The following DIPK1A variants were observed in gnomAD, a reference collection of about 807,000 sequenced individuals.
DIPK1A encodes divergent protein kinase domain 1A.
DIPK1A carries 27 observed loss-of-function variants against 40.8 expected under a neutral mutation model. The observed-to-expected ratio is 0.66, with a 90% confidence interval of 0.49 to 0.91. The LOEUF (loss-of-function observed/expected upper bound fraction) is 0.91, where lower values mean the gene tolerates loss of function less well. Ranked by LOEUF, DIPK1A falls within the 40% of genes least tolerant of loss-of-function variation. The pLI is 0.00. For synonymous variants in DIPK1A, 166 were observed against 171.3 expected, an observed-to-expected ratio of 0.97 and a Z score of 0.24; for missense variants, 412 against 505.7, an observed-to-expected ratio of 0.81 and a Z score of 1.78.
intron 2 of DIPK1A, among the ~76,000 whole-genome samples, chr1:92,869,246 C>T (rs548765140): frequency 8.6e-5 from 13 of 151,998 alleles, no homozygotes; most frequent in South Asian, 2.1e-4. Context: ...ACTGCAGCCT[C>T]GACCCCTTTT....
intron 4 of DIPK1A, 91 bp downstream of exon 4, chr1:92,847,092 T>G: frequency 1.2e-6 from 1 of 800,532 alleles, no homozygotes; most frequent in South Asian, 3.1e-5. Context: ...GGTCAAAGAA[T>G]ATCAACACTT....
chr1:92,924,309 C>CT (rs202179647), intron 1 of DIPK1A, among the ~76,000 whole-genome samples: 4,858 of 145,232 alleles, frequency 0.033, 212 homozygotes, highest in African/African-American at 0.1. Context: ...CCTTTTTAAT[C>CT]TTTTTTTTTT....
At chr1:92,858,177 C>A (rs1285551629) in intron 2 of DIPK1A, among the ~76,000 whole-genome samples, 1 of 152,188 alleles carries the variant, frequency 6.6e-6, no homozygotes, top group African/African-American at 2.4e-5. Flanking sequence ...TATCCTTCCA[C>A]TGTCCTGATC....
rs5776162 is a variant in DIPK1A at position 92,912,003 on chromosome 1, C to CAAAA, written c.55-35577_55-35574dup. On this transcript the variant is annotated intron_variant, in intron 1 of 4. Transcript: ENST00000370310. ...TGGGTGACAGAGCAGGACTCCATCT[C>CAAAA]AAAAAAAAAAAAAAAAAAAAAAAAA... Among the ~76,000 whole-genome samples the CAAAA allele has an allele frequency of 7.3e-3, 321 of 43,702 alleles. 20 individuals are homozygous for CAAAA. The highest frequency in any genetic ancestry group is 0.035 in the African/African-American group (302 of 8,736). 28.7% of individuals were successfully genotyped at this position (43,702 alleles called of 152,430 possible). A position where few individuals can be genotyped will look rare whatever the true frequency, so the allele number is the denominator to read the frequency against.
intron 2 of DIPK1A, among the ~76,000 whole-genome samples, chr1:92,871,779 G>A (rs530824352): frequency 1.3e-5 from 2 of 152,174 alleles, no homozygotes; most frequent in Admixed American, 6.5e-5. Flanking sequence ...CATCCATGTT[G>A]TAGCATGTAT....
At chr1:92,914,435 C>G (rs954537181) in intron 1 of DIPK1A, among the ~76,000 whole-genome samples, 24 of 152,076 alleles carry the variant, frequency 1.6e-4, no homozygotes, top group Middle Eastern at 3.4e-3. Context: ...AGAAGAAATA[C>G]AGCACAGGAG....
chr1:92,933,506 C>T (rs1337485609), intron 1 of DIPK1A: 1 of 152,148 alleles, frequency 6.6e-6, no homozygotes, highest in Non-Finnish European at 1.5e-5. Flanking sequence ...TGAGACCAGC[C>T]TGGGCAATAT....
chr1:92,944,659 G>A (rs1651293671), intron 1 of DIPK1A, among the ~76,000 whole-genome samples: 1 of 152,194 alleles, frequency 6.6e-6, no homozygotes, highest in Non-Finnish European at 1.5e-5. Flanking sequence ...CTGAGACAAG[G>A]TCTCACTCTG....
rs1382089321 is a variant in DIPK1A, at chr1:92,842,550, C to A, written c.*833G>T. 1 of 984,818 alleles carries A rather than the reference C, an allele frequency of 1.0e-6. No homozygotes were observed. The highest frequency in any genetic ancestry group is 1.2e-6 in the Non-Finnish European group (1 of 829,550). The allele number at this position is 984,818 out of a possible 1,614,324, so 61.0% of individuals were successfully genotyped here. ...ATAGCCCTTTGGCCCACAGGATATA[C>A]TGTTTGAAAATGGAAAGTTATTACT... On this transcript the variant is annotated 3_prime_UTR_variant, in exon 5 of 5. Transcript: ENST00000370310.
At chr1:92,834,954 ATTGC>A (rs1197657462) in intron 4 of DIPK1A, 6 of 1,599,470 alleles carry the variant, frequency 3.8e-6, no homozygotes, top group Admixed American at 1.7e-5. Flanking sequence ...TTTGTGGCTG[ATTGC>A]TTGGAGAGTT....
At chr1:92,949,724 A>C (rs1557498113) in intron 1 of DIPK1A, among the ~76,000 whole-genome samples, 1 of 152,224 alleles carries the variant, frequency 6.6e-6, no homozygotes, top group Non-Finnish European at 1.5e-5. Flanking sequence ...ACCTTTAGGG[A>C]ATAAAGCTAG....
chr1:92,896,241 C>G (rs958944773), intron 1 of DIPK1A, among the ~76,000 whole-genome samples: 2 of 152,298 alleles, frequency 1.3e-5, no homozygotes, highest in South Asian at 4.2e-4. Flanking sequence ...ATCTCACTAC[C>G]TGACTTCAAA....
chr1:92,938,410 C>T (rs1484063184), intron 1 of DIPK1A, among the ~76,000 whole-genome samples: 1 of 144,852 alleles, frequency 6.9e-6, no homozygotes, highest in African/African-American at 2.6e-5. Flanking sequence ...GTCAAAGCTG[C>T]AATGAGCTGT....
intron 1 of DIPK1A, among the ~76,000 whole-genome samples, chr1:92,936,270 C>T (rs1650941319): frequency 6.6e-6 from 1 of 152,150 alleles, no homozygotes; most frequent in African/African-American, 2.4e-5. Flanking sequence ...ATTCATTTAA[C>T]TAAATAGGCA....
At chr1:92,880,794 C>G (rs1039703086) in intron 1 of DIPK1A, among the ~76,000 whole-genome samples, 4 of 152,052 alleles carry the variant, frequency 2.6e-5, no homozygotes, top group African/African-American at 4.8e-5. Context: ...CGCTTGAACT[C>G]GGGAGGCAGA....
chr1:92,919,387 C>G (rs1012891082), intron 1 of DIPK1A, among the ~76,000 whole-genome samples: 1 of 152,168 alleles, frequency 6.6e-6, no homozygotes. Flanking sequence ...TGCAACAATA[C>G]CAAAGTACTT....
chr1:92,924,342 A>G (rs1267484426), intron 1 of DIPK1A, among the ~76,000 whole-genome samples: 1 of 150,674 alleles, frequency 6.6e-6, no homozygotes, highest in Non-Finnish European at 1.5e-5. Context: ...GCCTTATTGC[A>G]TTGGCAAGGA....
At chr1:92,933,588 T>C (rs543327484) in intron 1 of DIPK1A, 2 of 152,292 alleles carry the variant, frequency 1.3e-5, no homozygotes, top group South Asian at 2.1e-4. Flanking sequence ...CACTGATATC[T>C]TGGGCAAGAA....
intron 1 of DIPK1A, among the ~76,000 whole-genome samples, chr1:92,879,134 C>G (rs1442461318): frequency 1.3e-5 from 2 of 152,052 alleles, no homozygotes; most frequent in African/African-American, 4.8e-5. Flanking sequence ...GAGCCAAGAT[C>G]GCACCACTGC....
Sources: allele counts gnomAD v4.1 joint callset (sites outside exome capture counted in the v4.1 genomes callset), GRCh38; gene constraint gnomAD v4.1.1; transcripts MANE v1.5; gene names NCBI Gene and HGNC (gene_info 2026-07-23, HGNC 2026-07-21).